Variants in CEP83 observed in about 807,000 individuals in gnomAD.
CEP83 encodes centrosomal protein of 83 kDa.
CEP83 carries 70 observed loss-of-function variants against 101.9 expected under a neutral mutation model. The ratio of observed to expected loss-of-function variants is 0.69; its 90% CI spans 0.57 to 0.84. The LOEUF (loss-of-function observed/expected upper bound fraction) is 0.84, where lower values mean the gene tolerates loss of function less well. Ranked by LOEUF, CEP83 falls within the 40% of genes least tolerant of loss-of-function variation. CEP83 has a pLI of 0.00. For missense variants in CEP83, 715 were observed against 787.2 expected (o/e 0.91, Z 1.10); for synonymous variants, 264 against 267.9 (o/e 0.99, Z 0.14).
the CEP83 span, among the ~76,000 whole-genome samples, chr12:94,281,346 T>C: frequency 6.6e-6 from 1 of 152,240 alleles, no homozygotes; most frequent in Non-Finnish European, 1.5e-5. Context: ...TTGGAGCTCT[T>C]ACAGCAGAGA....
the CEP83 span, among the ~76,000 whole-genome samples, chr12:94,286,084 G>T: frequency 6.6e-6 from 1 of 152,234 alleles, no homozygotes; most frequent in Non-Finnish European, 1.5e-5. Flanking sequence ...CTTCACTGCA[G>T]ACATCGGCCG....
intron 8 of CEP83, among the ~76,000 whole-genome samples, chr12:94,370,331 T>C (rs1370907653): frequency 1.3e-5 from 2 of 152,234 alleles, no homozygotes; most frequent in African/African-American, 2.4e-5. Context: ...AACTACTCAA[T>C]GATTGGAAAA....
At chr12:94,309,862 T>C in intron 16 of CEP83, 56 bp downstream of exon 16, 1 of 1,191,020 alleles carries the variant, frequency 8.4e-7, no homozygotes, top group Non-Finnish European at 1.1e-6. Flanking sequence ...TATTTAAACA[T>C]AAAAACCTAC....
At chr12:94,391,070 A>G (rs2062495259) in intron 6 of CEP83, among the ~76,000 whole-genome samples, 2 of 152,254 alleles carry the variant, frequency 1.3e-5, no homozygotes, top group African/African-American at 4.8e-5. Flanking sequence ...ATTATCCAGA[A>G]GAACTTCCCC....
chr12:94,305,298 C>T, downstream of CEP83: 3 of 1,499,184 alleles, frequency 2.0e-6, no homozygotes, highest in Non-Finnish European at 2.8e-6. Flanking sequence ...ACTCTGGGGC[C>T]TGGCTTAATC....
At chr12:94,440,667 T>C (rs1046878603) in intron 1 of CEP83, among the ~76,000 whole-genome samples, 6 of 151,320 alleles carry the variant, frequency 4.0e-5, no homozygotes, top group Non-Finnish European at 8.9e-5. Context: ...ACCATCGTTC[T>C]TCACAGATCT....
At chr12:94,361,438 G>A (rs888630228) in intron 11 of CEP83, 1 of 152,048 alleles carries the variant, frequency 6.6e-6, no homozygotes, top group Admixed American at 6.6e-5. Context: ...AATAGAGTGG[G>A]TCAAAACTCT....
At chr12:94,429,406 C>G (rs1453677701) in intron 2 of CEP83, among the ~76,000 whole-genome samples, 1 of 152,180 alleles carries the variant, frequency 6.6e-6, no homozygotes, top group Non-Finnish European at 1.5e-5. Flanking sequence ...AGGGAGCTCA[C>G]GCTGGGGCAC....
At chr12:94,339,723 C>T (rs941935322) in intron 11 of CEP83, among the ~76,000 whole-genome samples, 1 of 152,186 alleles carries the variant, frequency 6.6e-6, no homozygotes, top group Non-Finnish European at 1.5e-5. Flanking sequence ...CCTTCTTATA[C>T]CAACCTTCTG....
At chr12:94,339,803 G>C (rs750693840) in intron 11 of CEP83, among the ~76,000 whole-genome samples, 3 of 152,182 alleles carry the variant, frequency 2.0e-5, no homozygotes, top group Non-Finnish European at 4.4e-5. Context: ...AAACTTTCCT[G>C]AAAGAATATA....
At chr12:94,400,289 G>A (rs1566093119) in intron 6 of CEP83, among the ~76,000 whole-genome samples, 4 of 152,242 alleles carry the variant, frequency 2.6e-5, no homozygotes, top group East Asian at 3.9e-4. Context: ...ACCACAAAAC[G>A]AGTAGAAAGG....
intron 2 of CEP83, 52 bp from the exon 3 acceptor site, chr12:94,412,643 C>A: frequency 1.8e-6 from 1 of 551,998 alleles, no homozygotes; most frequent in Non-Finnish European, 3.1e-6. Context: ...TAAACGTAAG[C>A]CTCCTTTAAT....
At chr12:94,426,347 G>T (rs566457369) in intron 2 of CEP83, among the ~76,000 whole-genome samples, 6 of 152,168 alleles carry the variant, frequency 3.9e-5, no homozygotes, top group African/African-American at 1.4e-4. Flanking sequence ...ATGAAGTAAA[G>T]ACCCTCCCAA....
Position 94,378,246 on chromosome 12 carries a change from G to A in CEP83, c.801+545C>T, listed in dbSNP as rs186112340. 8.2e-4 allele frequency among the ~76,000 whole-genome samples: 125 copies of A among 152,318 alleles called. 1 individual carries two copies. Among genetic ancestry groups the A allele is most frequent in the Admixed American group, 2.0e-3 (30 of 15,302 alleles). On this transcript the variant is annotated intron_variant, in intron 7 of 16. Coordinates refer to ENST00000397809, the MANE Select transcript of CEP83 (RefSeq NM_016122.3). ...TTTTCATAAGGCAATACCCGTAGGA[G>A]TACCAGTCAGGTCTGCCAACACTTA...
In CEP83 at chr12:94,412,439, G is replaced by C. The variant is rs753506333; in HGVS notation, c.52C>G (p.Pro18Ala). Residue 18 changes from proline (P) to alanine (A), a missense_variant, in exon 3 of 17, where the codon CCT (proline) becomes GCT (alanine). Transcript: ENST00000397809. Reference sequence around the variant, plus strand: ...CCTGTCAATCCACTGTCTCCACCAGGAGGAAAATTATTGGGAAAAGTGTCC... The same window carrying C: ...CCTGTCAATCCACTGTCTCCACCAGCAGGAAAATTATTGGGAAAAGTGTCC... ...DMDTFPNNFP[P>A]GGDSGLTGSQ... 1.2e-6 allele frequency: 2 copies of C among 1,612,460 alleles called. No individual in the cohort carries two copies. Among genetic ancestry groups the C allele is most frequent in the Admixed American group, 1.7e-5 (1 of 59,768 alleles).
At chr12:94,379,452 T>C (rs549550417) in intron 6 of CEP83, among the ~76,000 whole-genome samples, 3 of 152,172 alleles carry the variant, frequency 2.0e-5, no homozygotes, top group Non-Finnish European at 2.9e-5. Context: ...CTAATAAAAT[T>C]ATCTATGTCA....
chr12:94,455,209 A>C (rs112031069), intron 1 of CEP83, among the ~76,000 whole-genome samples: 2 of 152,350 alleles, frequency 1.3e-5, no homozygotes, highest in African/African-American at 4.8e-5. Context: ...AAATATCCTT[A>C]AGAGCATATA....
At chr12:94,409,952 CA>C (rs566422927) in intron 4 of CEP83, among the ~76,000 whole-genome samples, 20 of 152,044 alleles carry the variant, frequency 1.3e-4, no homozygotes, top group Non-Finnish European at 2.1e-4. Flanking sequence ...AACCTACATC[CA>C]AATAAGGTCA....
chr12:94,282,181 T>C, the CEP83 span: 1 of 709,122 alleles, frequency 1.4e-6, no homozygotes, highest in Non-Finnish European at 2.5e-6. Flanking sequence ...GATGCATCTC[T>C]ACACCTTCAA....
Sources: gnomAD v4.1 joint callset for allele counts (sites outside exome capture counted in the v4.1 genomes callset) on GRCh38, gnomAD v4.1.1 for gene constraint, MANE v1.5 for transcripts, NCBI Gene and HGNC (gene_info 2026-07-23, HGNC 2026-07-21) for gene names.